Variants in OSBPL6 observed in about 807,000 individuals in gnomAD.
OSBPL6 encodes the protein oxysterol-binding protein-related protein 6.
In OSBPL6, 49 loss-of-function variants were observed where a neutral mutation model predicts 125.8. The ratio of observed to expected loss-of-function variants is 0.39; its 90% CI spans 0.31 to 0.49. The LOEUF is 0.49. OSBPL6 is among the 20% of genes least tolerant of loss of function. OSBPL6 has a pLI of 0.88. For missense variants in OSBPL6, 986 were observed against 1,135.4 expected, an observed-to-expected ratio of 0.87 and a Z score of 1.89; for synonymous variants, 394 against 391.8, an observed-to-expected ratio of 1.01 and a Z score of -0.07.
At chr2:178,215,052 A>G (rs572930126) in intron 1 of OSBPL6, among the ~76,000 whole-genome samples, 2 of 152,214 alleles carry the variant, frequency 1.3e-5, no homozygotes, top group South Asian at 2.1e-4. Flanking sequence ...TGACCATCAA[A>G]TAAGTCTCTG....
intron 1 of OSBPL6, among the ~76,000 whole-genome samples, chr2:178,197,759 A>G (rs896247975): frequency 6.6e-6 from 1 of 152,070 alleles, no homozygotes; most frequent in Non-Finnish European, 1.5e-5. Flanking sequence ...GAAACTTTGG[A>G]TGGGGGTAGA....
At chr2:178,325,449 G>A (rs965085913) in intron 4 of OSBPL6, among the ~76,000 whole-genome samples, 1 of 152,164 alleles carries the variant, frequency 6.6e-6, no homozygotes, top group Non-Finnish European at 1.5e-5. Flanking sequence ...CTAAACCATG[G>A]AAAGCAGGGA....
Position 178,384,143 on chromosome 2 carries a change from A to C in OSBPL6, c.1980A>C (p.Arg660Ser). Reference protein sequence around the residue: ...PVLGETYECIREDKGFRFFSE... With the variant: ...PVLGETYECISEDKGFRFFSE... ...TTGGGGAGACTTATGAATGCATTAG[A>C]GAAGACAAGGGATTCCGCTTTTTCT... Residue 660 changes from arginine (R) to serine (S), a missense_variant, in exon 18 of 25, where the codon AGA becomes AGC. Physicochemically the swap from Arg to Ser is moderately radical, Grantham distance 110. Transcript: ENST00000190611. The C allele has an allele frequency of 6.2e-7, 1 of 1,614,118 alleles. No individual in the cohort carries two copies. Among genetic ancestry groups the C allele is most frequent in the East Asian group, 2.2e-5 (1 of 44,892 alleles).
chr2:178,367,688 G>A (rs1692976274), intron 13 of OSBPL6, among the ~76,000 whole-genome samples: 1 of 152,326 alleles, frequency 6.6e-6, no homozygotes, highest in East Asian at 1.9e-4. Context: ...CATTGGAAAG[G>A]AATTGTGTGT....
At chr2:178,362,384 C>A (rs1005870028) in intron 13 of OSBPL6, among the ~76,000 whole-genome samples, 2 of 152,078 alleles carry the variant, frequency 1.3e-5, no homozygotes, top group Non-Finnish European at 2.9e-5. Context: ...TAATACTAAT[C>A]AAATCCCTAT....
intron 1 of OSBPL6, among the ~76,000 whole-genome samples, chr2:178,260,385 ATGTG>A (rs2092020521): frequency 6.6e-6 from 1 of 152,118 alleles, no homozygotes; most frequent in Non-Finnish European, 1.5e-5. Flanking sequence ...GTATATGTGT[ATGTG>A]TATGTGTATG....
At chr2:178,294,377 AGAGT>A (rs1175730579) in intron 2 of OSBPL6, among the ~76,000 whole-genome samples, 3 of 152,216 alleles carry the variant, frequency 2.0e-5, no homozygotes, top group African/African-American at 7.2e-5. Context: ...AGGCAGAAAG[AGAGT>A]GAGACAGTCA....
chr2:178,393,639 A>G (rs1164653360), intron 23 of OSBPL6, among the ~76,000 whole-genome samples: 3 of 152,206 alleles, frequency 2.0e-5, no homozygotes, highest in Non-Finnish European at 2.9e-5. Context: ...AATGTATAGC[A>G]TATTATATTC....
chr2:178,208,910 T>A (rs1018351197), intron 1 of OSBPL6, among the ~76,000 whole-genome samples: 1 of 133,622 alleles, frequency 7.5e-6, no homozygotes, highest in African/African-American at 2.7e-5. Flanking sequence ...CTATTCTCAT[T>A]CTTGATTTAT....
chr2:178,217,779 G>A (rs1232943467), intron 1 of OSBPL6, among the ~76,000 whole-genome samples: 1 of 152,144 alleles, frequency 6.6e-6, no homozygotes, highest in African/African-American at 2.4e-5. Context: ...CTGTACAGGT[G>A]GCTGACAAAG....
At chr2:178,323,238 T>G (rs912957810) in intron 3 of OSBPL6, among the ~76,000 whole-genome samples, 7 of 152,222 alleles carry the variant, frequency 4.6e-5, no homozygotes, top group African/African-American at 1.7e-4. Flanking sequence ...TTATTTTGAT[T>G]CTCTTTTTGA....
intron 2 of OSBPL6, among the ~76,000 whole-genome samples, chr2:178,291,737 C>T (rs1348681678): frequency 7.1e-6 from 1 of 141,828 alleles, no homozygotes; most frequent in East Asian, 2.3e-4. Context: ...TCCTTCCTTT[C>T]TTTCCTTCCT....
At chr2:178,310,684 G>A (rs927597543) in intron 3 of OSBPL6, among the ~76,000 whole-genome samples, 3 of 151,682 alleles carry the variant, frequency 2.0e-5, no homozygotes, top group African/African-American at 7.3e-5. Flanking sequence ...CCCAAAGTGC[G>A]GGGATTACAG....
intron 2 of OSBPL6, among the ~76,000 whole-genome samples, chr2:178,303,862 G>C (rs905350667): frequency 2.0e-5 from 3 of 152,022 alleles, no homozygotes; most frequent in African/African-American, 7.2e-5. Context: ...TCCTGATTGG[G>C]CCCTCCTCAT....
intron 1 of OSBPL6, among the ~76,000 whole-genome samples, chr2:178,260,039 T>C (rs1241285964): frequency 1.3e-5 from 2 of 152,216 alleles, no homozygotes; most frequent in Non-Finnish European, 2.9e-5. Flanking sequence ...CTTCTAATTC[T>C]AATATTCTTC....
chr2:178,317,749 G>A (rs945305385), intron 3 of OSBPL6, among the ~76,000 whole-genome samples: 10 of 148,102 alleles, frequency 6.8e-5, no homozygotes, highest in Non-Finnish European at 1.3e-4. Flanking sequence ...TTTTTTGCTT[G>A]TATTGTTAGC....
chr2:178,348,303 A>G (rs2154089170), intron 11 of OSBPL6, among the ~76,000 whole-genome samples: 1 of 152,318 alleles, frequency 6.6e-6, no homozygotes, highest in Non-Finnish European at 1.5e-5. Context: ...CTGGTTCTTG[A>G]AGATAATTGA....
chr2:178,263,714 G>A (rs1380225139), intron 1 of OSBPL6, among the ~76,000 whole-genome samples: 2 of 151,996 alleles, frequency 1.3e-5, no homozygotes, highest in African/African-American at 2.4e-5. Context: ...GACCACAAAC[G>A]TGTGCTTGGG....
intron 2 of OSBPL6, among the ~76,000 whole-genome samples, chr2:178,304,526 A>G (rs781617367): frequency 2.0e-5 from 3 of 152,144 alleles, no homozygotes; most frequent in Non-Finnish European, 4.4e-5. Context: ...ACATATGGGG[A>G]TTATGGGAAC....
Sources: allele counts gnomAD v4.1 joint callset (sites outside exome capture counted in the v4.1 genomes callset), GRCh38; gene constraint gnomAD v4.1.1; transcripts MANE v1.5; gene names NCBI Gene and HGNC (gene_info 2026-07-23, HGNC 2026-07-21).